SGCD: variants seen among roughly 807,000 people sequenced by gnomAD.
SGCD encodes the protein delta-sarcoglycan.
Under a neutral mutation model 36.6 loss-of-function variants are expected in SGCD, and 18 were observed. The observed-to-expected ratio is 0.49, with a 90% confidence interval of 0.34 to 0.73. The LOEUF (loss-of-function observed/expected upper bound fraction) is 0.73. Ranked by LOEUF, SGCD falls within the 30% of genes least tolerant of loss-of-function variation. The pLI, the probability that SGCD is intolerant of heterozygous loss-of-function variation, is 0.01. For synonymous variants in SGCD, 133 were observed against 130.6 expected, an observed-to-expected ratio of 1.02 and a Z score of -0.12; for missense variants, 387 against 346.7, an observed-to-expected ratio of 1.12 and a Z score of -0.92.
chr5:155,739,936 A>G, the SGCD span, among the ~76,000 whole-genome samples: 4 of 152,218 alleles, frequency 2.6e-5, no homozygotes, highest in African/African-American at 7.2e-5. Flanking sequence ...AAATTATAGC[A>G]TGGGGAATTA....
chr5:156,493,352 T>C (rs2127852233), intron 3 of SGCD, among the ~76,000 whole-genome samples: 1 of 152,278 alleles, frequency 6.6e-6, no homozygotes, highest in East Asian at 1.9e-4. Flanking sequence ...ACTTTACCTG[T>C]CTAACCCAGA....
rs558275971 is a variant in SGCD at position 156,765,926 on chromosome 5, A to G, written c.*6536A>G. On this transcript the variant is annotated 3_prime_UTR_variant, in exon 9 of 9. Coordinates refer to ENST00000337851, the MANE Select transcript of SGCD (RefSeq NM_000337.6). ...AGTCTCTCACAGTGACAGCATCTAT[A>G]CTAAAGTATAGATACCTAAGGGGAA... 1 of 152,232 alleles carries G rather than the reference A, an allele frequency of 6.6e-6. No homozygotes were observed. The highest frequency in any genetic ancestry group is 6.5e-5 in the Admixed American group (1 of 15,288). 9.4% of individuals were successfully genotyped at this position (152,232 alleles called of 1,614,324 possible).
At chr5:156,581,225 C>T (rs750754900) in intron 4 of SGCD, among the ~76,000 whole-genome samples, 4 of 152,194 alleles carry the variant, frequency 2.6e-5, no homozygotes, top group African/African-American at 4.8e-5. Flanking sequence ...GTATCGCCAG[C>T]GGAGGCTGCA....
intron 3 of SGCD, among the ~76,000 whole-genome samples, chr5:156,406,869 TTAAG>T (rs1372510191): frequency 6.8e-6 from 1 of 147,810 alleles, no homozygotes; most frequent in Non-Finnish European, 1.5e-5. Context: ...TATTAGTTTA[TTAAG>T]TATTAACTTA....
intron 1 of SGCD, among the ~76,000 whole-genome samples, chr5:155,953,474 G>A (rs1162043790): frequency 6.6e-6 from 1 of 152,168 alleles, no homozygotes; most frequent in African/African-American, 2.4e-5. Flanking sequence ...GCAAAGCCTG[G>A]AAAAGTTTGG....
chr5:156,344,042 T>G (rs6556552), intron 2 of SGCD, among the ~76,000 whole-genome samples: 28,933 of 152,088 alleles, frequency 0.19, 2,975 homozygotes, highest in Middle Eastern at 0.26. Flanking sequence ...TGTTCAAAAT[T>G]TTTTAACCAC....
chr5:156,098,619 T>A (rs187249669), intron 1 of SGCD, among the ~76,000 whole-genome samples: 18 of 140,048 alleles, frequency 1.3e-4, no homozygotes, highest in Admixed American at 1.2e-3. Flanking sequence ...ATATATATAT[T>A]TATTTATGTT....
rs77295132 is a variant in SGCD at position 156,712,831 on chromosome 5, G to A, written c.576-44750G>A. ...AGGACAGCCTGGCTTCCCACCCACT[G>A]TCTATCAATCAATCACCTCACTTTT... On this transcript the variant is annotated intron_variant, in intron 7 of 8. Coordinates refer to ENST00000337851, the MANE Select transcript of SGCD (RefSeq NM_000337.6). Among the ~76,000 whole-genome samples the A allele has an allele frequency of 8.3e-4, 126 of 152,176 alleles. 1 individual carries two copies. The East Asian group carries it at 0.023, about 27-fold the overall frequency.
At chr5:156,348,651 C>A (rs1265869402) in intron 3 of SGCD, among the ~76,000 whole-genome samples, 1 of 152,116 alleles carries the variant, frequency 6.6e-6, no homozygotes. Flanking sequence ...TTGAATGACT[C>A]ATTATCATGA....
intron 3 of SGCD, among the ~76,000 whole-genome samples, chr5:156,498,524 G>A (rs1756302590): frequency 6.6e-6 from 1 of 152,160 alleles, no homozygotes; most frequent in Non-Finnish European, 1.5e-5. Flanking sequence ...CATGCAATAT[G>A]TGGTCTTTTA....
chr5:156,593,466 A>C (rs1430598038), intron 5 of SGCD, among the ~76,000 whole-genome samples: 1 of 152,200 alleles, frequency 6.6e-6, no homozygotes. Flanking sequence ...ACCACAAAAA[A>C]GACCAAACAT....
intron 3 of SGCD, among the ~76,000 whole-genome samples, chr5:156,148,209 T>TA (rs1446093715): frequency 6.6e-6 from 1 of 152,114 alleles, no homozygotes; most frequent in Non-Finnish European, 1.5e-5. Flanking sequence ...ATGTTTCAAA[T>TA]AAAAAGTATA....
At chr5:156,675,045 A>G (rs1304764941) in intron 7 of SGCD, among the ~76,000 whole-genome samples, 1 of 152,160 alleles carries the variant, frequency 6.6e-6, no homozygotes, top group South Asian at 2.1e-4. Context: ...TGGGCGACTC[A>G]GAATCTCCGT....
intron 3 of SGCD, among the ~76,000 whole-genome samples, chr5:156,452,037 C>CA (rs1489579811): frequency 1.3e-5 from 2 of 152,174 alleles, no homozygotes; most frequent in African/African-American, 4.8e-5. Context: ...CATGGTCACA[C>CA]AGTTGACTTA....
chr5:156,352,524 T>C (rs1769309577), intron 3 of SGCD, among the ~76,000 whole-genome samples: 1 of 152,236 alleles, frequency 6.6e-6, no homozygotes, highest in African/African-American at 2.4e-5. Flanking sequence ...ATCAAGTATC[T>C]GATCATGTTG....
chr5:156,604,009 A>G (rs1463268109), intron 6 of SGCD, among the ~76,000 whole-genome samples: 1 of 151,946 alleles, frequency 6.6e-6, no homozygotes, highest in Non-Finnish European at 1.5e-5. Flanking sequence ...GTCTTCTACT[A>G]TTACTGTTTT....
chr5:156,468,639 C>T (rs911648648), intron 3 of SGCD, among the ~76,000 whole-genome samples: 1 of 152,124 alleles, frequency 6.6e-6, no homozygotes, highest in African/African-American at 2.4e-5. Flanking sequence ...TCTTGAATTT[C>T]CTCATTTGAA....
intron 3 of SGCD, among the ~76,000 whole-genome samples, chr5:156,288,011 G>A (rs1766657097): frequency 6.6e-6 from 1 of 152,112 alleles, no homozygotes; most frequent in Non-Finnish European, 1.5e-5. Flanking sequence ...AGTTCAGTTA[G>A]AATACATTCT....
At chr5:155,953,087 C>G (rs961051503) in intron 1 of SGCD, among the ~76,000 whole-genome samples, 2 of 152,058 alleles carry the variant, frequency 1.3e-5, no homozygotes, top group African/African-American at 2.4e-5. Flanking sequence ...ACCTCACTCG[C>G]CCAGTTATCA....
Sources: gnomAD v4.1 joint callset for allele counts (sites outside exome capture counted in the v4.1 genomes callset) on GRCh38, gnomAD v4.1.1 for gene constraint, MANE v1.5 for transcripts, NCBI Gene and HGNC (gene_info 2026-07-23, HGNC 2026-07-21) for gene names.